CYB5R4: variants seen among roughly 807,000 people sequenced by gnomAD.
CYB5R4 encodes N-terminal cytochrome b5 and cytochrome b5 oxidoreductase domain-containing protein.
A neutral mutation model predicts 70.2 loss-of-function variants in CYB5R4; 55 were observed. The ratio of observed to expected loss-of-function variants is 0.78; its 90% CI spans 0.63 to 0.98. The LOEUF is 0.98. CYB5R4 is among the 50% of genes least tolerant of loss of function. CYB5R4 has a pLI of 0.00. For missense variants in CYB5R4, 562 were observed against 612.6 expected (o/e 0.92, Z 0.87); for synonymous variants, 197 against 199.5 (o/e 0.99, Z 0.11).
chr6:83,926,300 G>A (rs144735259), intron 10 of CYB5R4: 1 of 152,028 alleles, frequency 6.6e-6, no homozygotes, highest in African/African-American at 2.4e-5. Context: ...GCCATGTGGG[G>A]AAGAAGGCTG....
chr6:83,893,879 G>T (rs903533735), intron 3 of CYB5R4, among the ~76,000 whole-genome samples: 2 of 152,188 alleles, frequency 1.3e-5, no homozygotes, highest in Middle Eastern at 3.2e-3. Context: ...GTTGGTAAGT[G>T]TTTATTCAGT....
Position 83,924,069 on chromosome 6 carries a change from C to CAAA in CYB5R4, c.692-383_692-381dup, listed in dbSNP as rs34702511. On this transcript the variant is annotated intron_variant, in intron 9 of 15. Coordinates refer to ENST00000369681, the MANE Select transcript of CYB5R4 (RefSeq NM_016230.4). The stretch of plus-strand genomic sequence containing the variant: ...TGGGTGACAGAGCAAGACTCCGTCT[C>CAAA]AAAAAAAAAAAAAAAAAAAAGAATT... Among the ~76,000 whole-genome samples the CAAA allele has an allele frequency of 5.9e-3, 311 of 52,754 alleles. 14 individuals carry two copies. Among genetic ancestry groups the CAAA allele is most frequent in the African/African-American group, 0.023 (282 of 12,318 alleles). The allele number at this position is 52,754 out of a possible 152,430, so 34.6% of individuals were successfully genotyped here.
At chr6:83,905,798 G>T (rs1219661054) in intron 3 of CYB5R4, among the ~76,000 whole-genome samples, 1 of 151,970 alleles carries the variant, frequency 6.6e-6, no homozygotes, top group Admixed American at 6.6e-5. Context: ...GGCAGTCGCA[G>T]GATGACCTCT....
chr6:83,872,334 A>C (rs2099457762), intron 2 of CYB5R4, among the ~76,000 whole-genome samples: 1 of 152,184 alleles, frequency 6.6e-6, no homozygotes, highest in Non-Finnish European at 1.5e-5. Context: ...CTATGTGCTA[A>C]GTGTTAATTT....
intron 5 of CYB5R4, 70 bp from the exon 6 acceptor site, chr6:83,917,935 G>C: frequency 8.8e-7 from 1 of 1,140,038 alleles, no homozygotes; most frequent in South Asian, 1.3e-5. Flanking sequence ...ATTTCACTAA[G>C]AAGTTAACTT....
At chr6:83,952,885 A>T (rs1056522909) in intron 14 of CYB5R4, among the ~76,000 whole-genome samples, 6 of 152,144 alleles carry the variant, frequency 3.9e-5, no homozygotes, top group African/African-American at 1.4e-4. Flanking sequence ...CAGTATTGGG[A>T]CTGGCAATGT....
intron 3 of CYB5R4, among the ~76,000 whole-genome samples, chr6:83,897,254 G>A (rs1228829895): frequency 6.6e-6 from 1 of 152,040 alleles, no homozygotes; most frequent in African/African-American, 2.4e-5. Context: ...CCTTTTTTAT[G>A]GCTGCATAGT....
intron 2 of CYB5R4, among the ~76,000 whole-genome samples, chr6:83,886,688 G>T (rs887672796): frequency 2.6e-4 from 39 of 152,298 alleles, no homozygotes; most frequent in African/African-American, 9.1e-4. Flanking sequence ...TATCTGTTAT[G>T]TGGTTAGTGT....
chr6:83,955,164 G>GT, intron 14 of CYB5R4, 134 bp from the exon 15 acceptor site: 3 of 666,446 alleles, frequency 4.5e-6, no homozygotes, highest in Non-Finnish European at 4.6e-6. Context: ...TTTTTTCAGT[G>GT]TTTTTCTAGC....
At chr6:83,897,997 G>A (rs1426455777) in intron 3 of CYB5R4, among the ~76,000 whole-genome samples, 1 of 152,012 alleles carries the variant, frequency 6.6e-6, no homozygotes, top group Non-Finnish European at 1.5e-5. Context: ...TATTGCCTAG[G>A]TTTTCTTGTA....
intron 14 of CYB5R4, among the ~76,000 whole-genome samples, chr6:83,944,451 A>G (rs1350870307): frequency 6.6e-6 from 1 of 152,184 alleles, no homozygotes; most frequent in Non-Finnish European, 1.5e-5. Flanking sequence ...AATATGAAAA[A>G]GAAAAACTGG....
At chr6:83,893,257 ATTGATGT>A (rs1348843712) in intron 2 of CYB5R4, among the ~76,000 whole-genome samples, 2 of 152,150 alleles carry the variant, frequency 1.3e-5, no homozygotes, top group Non-Finnish European at 2.9e-5. Flanking sequence ...GACTACTGCT[ATTGATGT>A]GAGTGCTAAA....
chr6:83,874,920 T>G (rs2099458281), intron 2 of CYB5R4, among the ~76,000 whole-genome samples: 1 of 152,136 alleles, frequency 6.6e-6, no homozygotes, highest in Non-Finnish European at 1.5e-5. Context: ...CCTCCCAGGT[T>G]CAAACAATTC....
chr6:83,922,199 G>A (rs2099466492), intron 8 of CYB5R4, among the ~76,000 whole-genome samples: 1 of 152,108 alleles, frequency 6.6e-6, no homozygotes, highest in African/African-American at 2.4e-5. Flanking sequence ...ACCCATTTAT[G>A]GGCAATTGAG....
chr6:83,888,654 C>T (rs1460113772), intron 2 of CYB5R4, among the ~76,000 whole-genome samples: 1 of 152,092 alleles, frequency 6.6e-6, no homozygotes, highest in African/African-American at 2.4e-5. Context: ...TTCCCTGAGA[C>T]CCAACAATAT....
At position 83,960,888 on chromosome 6, in the gene CYB5R4, A is replaced by C. The variant is rs2099473228; in HGVS notation, c.*1010A>C. 2 of 152,214 alleles carry C rather than the reference A, an allele frequency of 1.3e-5. No homozygotes were observed. The highest frequency in any genetic ancestry group is 2.9e-5 in the Non-Finnish European group (2 of 68,042). 9.4% of individuals were successfully genotyped at this position (152,214 alleles called of 1,614,324 possible). ...AATACTTTCACAGATTCAGATCAGC[A>C]AAGGGTATCAAGGATAGTCATTGTG... On this transcript the variant is annotated 3_prime_UTR_variant, in exon 16 of 16. Transcript: ENST00000369681.
In CYB5R4 at chr6:83,962,753, T is replaced by C. The variant is rs558389614; in HGVS notation, c.*2875T>C. ...CCTCATTAGGTAGATTTCAGTTCCTTGCAGTTGTAGGACTGAGTTCCCCAT... is the reference window on the plus strand; with the variant it reads ...CCTCATTAGGTAGATTTCAGTTCCTCGCAGTTGTAGGACTGAGTTCCCCAT... On this transcript the variant is annotated 3_prime_UTR_variant, in exon 16 of 16. Transcript: ENST00000369681. The C allele has an allele frequency of 6.6e-6, 1 of 152,380 alleles. No individual in the cohort carries two copies. Among genetic ancestry groups the C allele is most frequent in the East Asian group, 1.9e-4 (1 of 5,182 alleles). The allele number at this position is 152,380 out of a possible 1,614,324, so 9.4% of individuals were successfully genotyped here.
At chr6:83,878,686 A>C (rs2099458970) in intron 2 of CYB5R4, among the ~76,000 whole-genome samples, 1 of 152,218 alleles carries the variant, frequency 6.6e-6, no homozygotes, top group African/African-American at 2.4e-5. Flanking sequence ...CATTACATAT[A>C]GAAGAATAAT....
intron 15 of CYB5R4, among the ~76,000 whole-genome samples, chr6:83,957,991 G>A (rs1011822657): frequency 1.3e-5 from 2 of 152,050 alleles, no homozygotes; most frequent in Non-Finnish European, 2.9e-5. Context: ...TGAAAAATGA[G>A]TCTTTCTTGT....
Sources: gnomAD v4.1 joint callset for allele counts (sites outside exome capture counted in the v4.1 genomes callset) on GRCh38, gnomAD v4.1.1 for gene constraint, MANE v1.5 for transcripts, NCBI Gene and HGNC (gene_info 2026-07-23, HGNC 2026-07-21) for gene names.